The following SAXO4 variants were observed in gnomAD, a reference collection of about 807,000 sequenced individuals.
SAXO4 encodes the protein protein phosphatase 1 regulatory subunit 32.
At chr11:61,486,493 C>T in the SAXO4 span, 2 of 1,612,982 alleles carry the variant, frequency 1.2e-6, no homozygotes, top group African/African-American at 2.7e-5. Flanking sequence ...CAGCCACATC[C>T]TGGTGCCAGT....
the SAXO4 span, chr11:61,482,378 C>G: frequency 6.2e-7 from 1 of 1,614,162 alleles, no homozygotes; most frequent in Non-Finnish European, 8.5e-7. Context: ...ATTTCCAGCC[C>G]GTGGTCTCAT....
the SAXO4 span, among the ~76,000 whole-genome samples, chr11:61,483,841 C>T: frequency 6.6e-6 from 1 of 151,986 alleles, no homozygotes; most frequent in African/African-American, 2.4e-5. Context: ...ACCTATAATC[C>T]CAGCTACTCA....
the SAXO4 span, among the ~76,000 whole-genome samples, chr11:61,486,145 C>T: frequency 6.6e-6 from 1 of 152,216 alleles, no homozygotes; most frequent in Non-Finnish European, 1.5e-5. Context: ...AGACAAGAGC[C>T]CTGGCCTGCT....
the SAXO4 span, chr11:61,485,878 C>T: frequency 6.2e-7 from 1 of 1,614,006 alleles, no homozygotes; most frequent in African/African-American, 1.3e-5. Context: ...CCATTGTCTT[C>T]CAACCGCCCT....
the SAXO4 span, chr11:61,482,644 C>T: frequency 6.2e-7 from 1 of 1,613,900 alleles, no homozygotes; most frequent in Non-Finnish European, 8.5e-7. Flanking sequence ...CTAGCTCCTC[C>T]TCACCCTCAG....
the SAXO4 span, chr11:61,489,761 A>G: frequency 1.9e-6 from 3 of 1,613,744 alleles, no homozygotes; most frequent in Non-Finnish European, 2.5e-6. Context: ...CTTCCAGCCA[A>G]GGACCCCTCC....
At chr11:61,482,388 T>G in the SAXO4 span, 1 of 1,614,180 alleles carries the variant, frequency 6.2e-7, no homozygotes, top group Non-Finnish European at 8.5e-7. Flanking sequence ...CGTGGTCTCA[T>G]GCCAAGCCAG....
chr11:61,482,866 T>A, the SAXO4 span: 21 of 1,499,056 alleles, frequency 1.4e-5, no homozygotes, highest in Non-Finnish European at 1.8e-5. Context: ...GGGCTAGGGC[T>A]GCACTGCCAA....
chr11:61,487,019 G>C, the SAXO4 span: 3 of 1,614,152 alleles, frequency 1.9e-6, no homozygotes, highest in Non-Finnish European at 2.5e-6. Flanking sequence ...GGATGCAACA[G>C]ACAAACGTTG....
the SAXO4 span, chr11:61,484,649 G>A: frequency 6.2e-7 from 1 of 1,608,820 alleles, no homozygotes; most frequent in Non-Finnish European, 8.5e-7. Context: ...GGGAGTGACT[G>A]CCGCCCCCTC....
chr11:61,485,436 T>A, the SAXO4 span: 1 of 1,587,062 alleles, frequency 6.3e-7, no homozygotes, highest in Non-Finnish European at 8.6e-7. Context: ...TCCCTTCCCA[T>A]CTTCCAATCC....
the SAXO4 span, among the ~76,000 whole-genome samples, chr11:61,483,049 C>G: frequency 6.6e-6 from 1 of 151,978 alleles, no homozygotes; most frequent in Non-Finnish European, 1.5e-5. Flanking sequence ...ATCCCTGTCC[C>G]CATTCCCATG....
At chr11:61,482,798 C>T in the SAXO4 span, 51 of 1,608,902 alleles carry the variant, frequency 3.2e-5, no homozygotes, top group African/African-American at 4.8e-4. Context: ...GCGGGTCCCC[C>T]CACCAAGGAG....
At chr11:61,481,782 GC>G in the SAXO4 span, 1 of 1,351,172 alleles carries the variant, frequency 7.4e-7, no homozygotes, top group Non-Finnish European at 9.9e-7. Context: ...TCCTTTCTAG[GC>G]CCCCTGGGGC....
At chr11:61,485,835 G>A in the SAXO4 span, 2 of 1,614,050 alleles carry the variant, frequency 1.2e-6, no homozygotes, top group Non-Finnish European at 1.7e-6. Flanking sequence ...GCAAAGGAGG[G>A]GAGTGGCTTC....
the SAXO4 span, chr11:61,485,330 T>C: frequency 6.2e-7 from 1 of 1,613,746 alleles, no homozygotes; most frequent in East Asian, 2.2e-5. Flanking sequence ...CCAACCTCTC[T>C]GTTCCAGGGC....
the SAXO4 span, among the ~76,000 whole-genome samples, chr11:61,483,229 C>T: frequency 2.0e-5 from 3 of 147,438 alleles, no homozygotes; most frequent in African/African-American, 5.1e-5. Context: ...TGCAGTGGCA[C>T]GATCTCGGCT....
the SAXO4 span, chr11:61,482,047 G>A: frequency 1.4e-6 from 1 of 719,684 alleles, no homozygotes; most frequent in South Asian, 1.7e-5. Context: ...TGTCCCCTGG[G>A]CCCTGCCCGG....
chr11:61,484,230 G>A, the SAXO4 span, among the ~76,000 whole-genome samples: 3 of 152,264 alleles, frequency 2.0e-5, no homozygotes, highest in African/African-American at 4.8e-5. Context: ...GCAACAGAGC[G>A]AGACTCTGTC....
Sources: allele counts gnomAD v4.1 joint callset (sites outside exome capture counted in the v4.1 genomes callset), GRCh38; gene constraint gnomAD v4.1.1; transcripts MANE v1.5; gene names NCBI Gene and HGNC (gene_info 2026-07-23, HGNC 2026-07-21).